The following NLRX1 variants were observed in gnomAD, a reference collection of about 807,000 sequenced individuals.
The protein encoded by NLRX1 is NLR family member X1, also known as NOD-like receptor X1.
A neutral mutation model predicts 74.2 loss-of-function variants in NLRX1; 67 were observed. The ratio of observed to expected loss-of-function variants is 0.90; its 90% CI spans 0.74 to 1.11. The LOEUF (loss-of-function observed/expected upper bound fraction) is 1.11. Ranked by LOEUF, NLRX1 falls within the 50% of genes least tolerant of loss-of-function variation. NLRX1 has a pLI of 0.00. For synonymous variants in NLRX1, 506 were observed against 559.1 expected (o/e 0.91, Z 1.34); for missense variants, 1,191 against 1,305.4 (o/e 0.91, Z 1.35).
At position 119,173,126 on chromosome 11, in the gene NLRX1, C is replaced by A. The variant is rs933582303; in HGVS notation, c.229+137C>A. The A allele has an allele frequency of 1.2e-5, 8 of 694,508 alleles. No individual in the cohort carries two copies. Among genetic ancestry groups the A allele is most frequent in the Non-Finnish European group, 1.8e-5 (7 of 391,778 alleles). The allele number at this position is 694,508 out of a possible 1,614,324, so 43.0% of individuals were successfully genotyped here. On this transcript the variant is annotated intron_variant, in intron 4 of 9. Transcript: ENST00000409109. This position sits in a 1 kb window ranked among gnomAD's most constrained non-coding sequence, Gnocchi z 4.0. ...TCCCTCCTCCTCTCTCTCTCTCCCT[C>A]CCATCCGTCTATGTATCCCTTCCTG... is the stretch of plus-strand genomic sequence containing the variant.
intron 3 of NLRX1, 70 bp from the exon 4 acceptor site, chr11:119,172,831 T>A: frequency 8.7e-7 from 1 of 1,145,076 alleles, no homozygotes; most frequent in Non-Finnish European, 1.3e-6. Context: ...CAGATAGGCT[T>A]GGACCCAGAG....
In NLRX1 at chr11:119,174,904, A is replaced by AT; in HGVS notation, c.1302dup (p.Glu435Ter). On this transcript the variant is annotated frameshift_variant, in exon 6 of 10. Coordinates refer to ENST00000409109, the MANE Select transcript of NLRX1 (RefSeq NM_001282144.2). LOFTEE classifies it high-confidence loss of function. ...GCCCGAACCATGGGCAAGTTGGCCTATGAGGGGGTGTCCTCCCGCAAGACC... is the reference window on the plus strand; with the variant it reads ...GCCCGAACCATGGGCAAGTTGGCCTATTGAGGGGGTGTCCTCCCGCAAGACC... The AT allele has an allele frequency of 6.2e-7, 1 of 1,614,034 alleles. No individual in the cohort carries two copies. Among genetic ancestry groups the AT allele is most frequent in the Non-Finnish European group, 8.5e-7 (1 of 1,180,028 alleles).
intron 6 of NLRX1, among the ~76,000 whole-genome samples, chr11:119,179,391 T>C (rs1320992804): frequency 6.6e-6 from 1 of 152,084 alleles, no homozygotes; most frequent in Admixed American, 6.5e-5. Flanking sequence ...TCCTAGCACT[T>C]TGGGGGGCCT....
Position 119,168,972 on chromosome 11 carries a change from G to A in NLRX1, c.-379G>A, listed in dbSNP as rs1477479250. 6.6e-6 allele frequency: 1 copy of A among 152,288 alleles called. No individual in the cohort carries two copies. The highest frequency in any genetic ancestry group is 1.5e-5 in the Non-Finnish European group (1 of 68,092). 9.4% of individuals were successfully genotyped at this position (152,288 alleles called of 1,614,324 possible). On this transcript the variant is annotated 5_prime_UTR_variant, in exon 1 of 10. Transcript: ENST00000409109. ...AGCCGGGGACTCTGGGAGCTAGCGGGAGACGCCGGCGTCCGCCCAGCCGAC... is the reference window on the plus strand; with the variant it reads ...AGCCGGGGACTCTGGGAGCTAGCGGAAGACGCCGGCGTCCGCCCAGCCGAC...
chr11:119,172,499 G>A, intron 3 of NLRX1, 74 bp downstream of exon 3: 1 of 1,175,052 alleles, frequency 8.5e-7, no homozygotes, highest in Non-Finnish European at 1.3e-6. Context: ...AGGACTTGGG[G>A]CTAGCTTGAT....
chr11:119,183,760 C>T lies in NLRX1; in HGVS notation c.*321C>T, dbSNP rs1370149676. On this transcript the variant is annotated 3_prime_UTR_variant, in exon 10 of 10. Transcript: ENST00000409109. This position sits in a 1 kb window ranked among gnomAD's most constrained non-coding sequence, Gnocchi z 5.7. ...ACCACTACCAACCTTGCCTCCCCCT[C>T]CTCTCAAAGAGCCTCTGACTGTGTC... is the stretch of plus-strand genomic sequence containing the variant. 1.3e-6 allele frequency: 1 copy of T among 780,028 alleles called. No homozygotes were observed. The highest frequency in any genetic ancestry group is 1.7e-5 in the African/African-American group (1 of 59,270). The allele number at this position is 780,028 out of a possible 1,614,324, so 48.3% of individuals were successfully genotyped here. A position where few individuals can be genotyped will look rare whatever the true frequency, so the allele number is the denominator to read the frequency against.
intron 6 of NLRX1, among the ~76,000 whole-genome samples, chr11:119,176,898 G>A (rs563590324): frequency 6.6e-6 from 1 of 152,162 alleles, no homozygotes; most frequent in South Asian, 2.1e-4. Flanking sequence ...AGCTATTTGA[G>A]TTCAAATCCA....
rs201353329 is a variant in NLRX1, at chr11:119,177,070, TTTAA to T, written c.1671+1799_1671+1802del. On this transcript the variant is annotated intron_variant, in intron 6 of 9. Transcript: ENST00000409109. ...AGGGTCTAGGACATGGTAAGTGCTATTTAATTGTTTTTTGTTTGTTTGTTTTTTT... is the reference window on the plus strand; with the variant it reads ...AGGGTCTAGGACATGGTAAGTGCTATTTGTTTTTTGTTTGTTTGTTTTTTT... Among the ~76,000 whole-genome samples, 1,745 of 152,144 alleles carry T rather than the reference TTTAA, an allele frequency of 0.011. 66 individuals are homozygous for T. In the East Asian group the frequency reaches 0.12, roughly 11 times the overall value.
At chr11:119,170,492 T>A (rs1948514133) in intron 1 of NLRX1, among the ~76,000 whole-genome samples, 2 of 152,280 alleles carry the variant, frequency 1.3e-5, no homozygotes, top group East Asian at 1.9e-4. Context: ...CAGTTTTACA[T>A]GGGAGAAGTT....
rs1446647083 is a variant in NLRX1, at chr11:119,180,154, C to T, written c.2133C>T (p.Val711=). ...TGGCAGGTGTGCGCATGACACCAGTCAAGTGCACAGTGGTGGCAGCTGTGC... is the reference window on the plus strand; with the variant it reads ...TGGCAGGTGTGCGCATGACACCAGTTAAGTGCACAGTGGTGGCAGCTGTGC... ...LNLAGVRMTP[V]KCTVVAAVLG... Residue 711 remains valine, a synonymous_variant, in exon 7 of 10, where the codon GTC becomes GTT. Coordinates refer to ENST00000409109, the MANE Select transcript of NLRX1 (RefSeq NM_001282144.2). The T allele has an allele frequency of 6.2e-7, 1 of 1,613,372 alleles. No homozygotes were observed. Among genetic ancestry groups the T allele is most frequent in the African/African-American group, 1.3e-5 (1 of 74,942 alleles).
chr11:119,178,987 T>G (rs1948761052), intron 6 of NLRX1, among the ~76,000 whole-genome samples: 1 of 152,110 alleles, frequency 6.6e-6, no homozygotes, highest in Admixed American at 6.6e-5. Flanking sequence ...ACCTGGCCTA[T>G]GGAGGCTTTG....
At chr11:119,170,203 A>G (rs1021032199) in intron 1 of NLRX1, among the ~76,000 whole-genome samples, 1 of 152,018 alleles carries the variant, frequency 6.6e-6, no homozygotes, top group African/African-American at 2.4e-5. Flanking sequence ...CTCTATAAGT[A>G]ACCTTGGACT....
At chr11:119,172,732 C>T (rs1021489741) in intron 3 of NLRX1, among the ~76,000 whole-genome samples, 169 bp from the exon 4 acceptor site, 2 of 152,044 alleles carry the variant, frequency 1.3e-5, no homozygotes, top group African/African-American at 4.8e-5. Context: ...GGCCTCAGCA[C>T]CTGGGAAGGG....
In NLRX1 at chr11:119,171,785, A is replaced by G. The variant is rs557893888; in HGVS notation, c.70+312A>G. On this transcript the variant is annotated intron_variant, in intron 2 of 9. Coordinates refer to ENST00000409109, the MANE Select transcript of NLRX1 (RefSeq NM_001282144.2). The stretch of plus-strand genomic sequence containing the variant: ...GGCAACATGGTGAAACCCTGTCTCT[A>G]TTAAAACTACAAAAAAAAAAATTAA... 1.4e-4 allele frequency among the ~76,000 whole-genome samples: 21 copies of G among 151,216 alleles called. 1 individual carries two copies. Among genetic ancestry groups the G allele is most frequent in the Middle Eastern group, 6.8e-3 (2 of 294 alleles).
rs974337343 is a variant in NLRX1, at chr11:119,169,101, G to T, written c.-250G>T. On this transcript the variant is annotated 5_prime_UTR_variant, in exon 1 of 10. Coordinates refer to ENST00000409109, the MANE Select transcript of NLRX1 (RefSeq NM_001282144.2). ...CCTGGCTGGGAGGCCGCGCTGAGCGGGGGGCAGGGCGGGCCGGGGGAGGAG... is the reference window on the plus strand; with the variant it reads ...CCTGGCTGGGAGGCCGCGCTGAGCGTGGGGCAGGGCGGGCCGGGGGAGGAG... 1 of 152,548 alleles carries T rather than the reference G, an allele frequency of 6.6e-6. No homozygotes were observed. The allele number at this position is 152,548 out of a possible 1,614,324, so 9.4% of individuals were successfully genotyped here. A position where few individuals can be genotyped will look rare whatever the true frequency, so the allele number is the denominator to read the frequency against.
At position 119,175,319 on chromosome 11, in the gene NLRX1, C is replaced by T. The variant is rs545970941; in HGVS notation, c.1671+45C>T. On this transcript the variant is annotated intron_variant, in intron 6 of 9. Coordinates refer to ENST00000409109, the MANE Select transcript of NLRX1 (RefSeq NM_001282144.2). ...AACCCCCCAACCTGCTCCTTCCCTC[C>T]CCAGCACCCCAAGCCGCCCACGCCC... is the stretch of plus-strand genomic sequence containing the variant. 42 of 1,547,096 alleles carry T rather than the reference C, an allele frequency of 2.7e-5. No individual in the cohort carries two copies. The South Asian group carries it at 4.3e-4, about 16-fold the overall frequency.
At chr11:119,179,506 G>C (rs963502396) in intron 6 of NLRX1, among the ~76,000 whole-genome samples, 187 bp from the exon 7 acceptor site, 2 of 152,230 alleles carry the variant, frequency 1.3e-5, no homozygotes, top group African/African-American at 2.4e-5. Flanking sequence ...TTTGGAGTTT[G>C]CCACATAGGC....
At position 119,173,118 on chromosome 11, in the gene NLRX1, C is replaced by G. The variant is rs1948597556; in HGVS notation, c.229+129C>G. ...ATCGGTGGTCCCTCCTCCTCTCTCT[C>G]TCTCCCTCCCATCCGTCTATGTATC... On this transcript the variant is annotated intron_variant, in intron 4 of 9. Coordinates refer to ENST00000409109, the MANE Select transcript of NLRX1 (RefSeq NM_001282144.2). This position sits in a 1 kb window ranked among gnomAD's most constrained non-coding sequence, Gnocchi z 4.0. 1 of 712,506 alleles carries G rather than the reference C, an allele frequency of 1.4e-6. No homozygotes were observed. Among genetic ancestry groups the G allele is most frequent in the African/African-American group, 1.8e-5 (1 of 57,142 alleles). 44.1% of individuals were successfully genotyped at this position (712,506 alleles called of 1,614,324 possible).
In NLRX1 at chr11:119,182,221, G is replaced by C; in HGVS notation, c.2482G>C (p.Ala828Pro). 6.2e-7 allele frequency: 1 copy of C among 1,613,922 alleles called. No individual in the cohort carries two copies. ...TGGGGACGAAGGCCTGGAGCTGCTG[G>C]CTGCCCAGCTGGACCGCAACCGGCA... ...GLGDEGLELL[A>P]AQLDRNRQLQ... The change falls in exon 9 of 10, where the codon GCT becomes CCT. Residue 828 changes from alanine (A) to proline (P), a missense_variant. By Grantham distance (27) the Ala-to-Pro change is conservative (BLOSUM62 -1). Transcript: ENST00000409109.
Sources: gnomAD v4.1 joint callset for allele counts (sites outside exome capture counted in the v4.1 genomes callset) on GRCh38, gnomAD v4.1.1 for gene constraint, Gnocchi (gnomAD v3.1) non-coding constraint, MANE v1.5 for transcripts, NCBI Gene and HGNC (gene_info 2026-07-23, HGNC 2026-07-21) for gene names.